GAN: variants seen among roughly 807,000 people sequenced by gnomAD.
The protein encoded by GAN is gigaxonin.
A neutral mutation model predicts 71.3 loss-of-function variants in GAN; 48 were observed. That is an observed-to-expected ratio of 0.67 (90% confidence interval 0.53 to 0.86). The LOEUF (loss-of-function observed/expected upper bound fraction) is 0.86, where lower values mean the gene tolerates loss of function less well. Among genes scored for constraint, GAN ranks in the 40% least tolerant of loss-of-function variants. GAN has a pLI of 0.00. For synonymous variants in GAN, 386 were observed against 276.8 expected (o/e 1.39, Z -3.92); for missense variants, 928 against 770.1 (o/e 1.21, Z -2.43).
At position 81,386,502 on chromosome 16, in the gene GAN, C is replaced by G. The variant is rs1216345545; in HGVS notation, c.*8906C>G. 6.6e-6 allele frequency: 1 copy of G among 152,240 alleles called. No homozygotes were observed. Among genetic ancestry groups the G allele is most frequent in the Admixed American group, 6.5e-5 (1 of 15,288 alleles). 9.4% of individuals were successfully genotyped at this position (152,240 alleles called of 1,614,324 possible). ...AGGTTATTTAACAAAGTGGTACAAA[C>G]AGTGAACTACTTAATCCTTCTATGG... On this transcript the variant is annotated 3_prime_UTR_variant, in exon 11 of 11. Transcript: ENST00000648994.
intron 1 of GAN, among the ~76,000 whole-genome samples, chr16:81,331,934 G>T (rs111888982): frequency 6.6e-6 from 1 of 151,998 alleles, no homozygotes; most frequent in Admixed American, 6.6e-5. Context: ...AGGTCAAGGC[G>T]GGCGGATCAC....
At chr16:81,367,112 C>T (rs1373705871) in intron 9 of GAN, among the ~76,000 whole-genome samples, 1 of 152,172 alleles carries the variant, frequency 6.6e-6, no homozygotes, top group East Asian at 1.9e-4. Context: ...CATGAGCCAC[C>T]GCACCTGGCC....
chr16:81,327,999 T>C (rs1909444910), intron 1 of GAN, among the ~76,000 whole-genome samples: 1 of 152,242 alleles, frequency 6.6e-6, no homozygotes, highest in South Asian at 2.1e-4. Context: ...CAGACTTGTT[T>C]CATTGAAGCA....
chr16:81,375,339 C>CT (rs59775874), intron 9 of GAN, among the ~76,000 whole-genome samples: 62,894 of 104,174 alleles, frequency 0.6, 19,251 homozygotes, highest in East Asian at 0.76. Flanking sequence ...TTTAATTTAT[C>CT]TTTTTTTTTT....
intron 2 of GAN, among the ~76,000 whole-genome samples, chr16:81,353,424 C>G (rs1043696144): frequency 6.6e-6 from 1 of 151,930 alleles, no homozygotes; most frequent in African/African-American, 2.4e-5. Context: ...TGCCTGCTGT[C>G]TTGTGGCTAA....
intron 9 of GAN, among the ~76,000 whole-genome samples, chr16:81,374,284 A>T (rs1414154599): frequency 2.6e-5 from 4 of 152,200 alleles, no homozygotes; most frequent in African/African-American, 4.8e-5. Flanking sequence ...TTAAGGTGGT[A>T]TCTGTTAGAT....
intron 9 of GAN, 88 bp from the exon 10 acceptor site, chr16:81,377,131 G>C: frequency 1.2e-6 from 1 of 843,982 alleles, no homozygotes; most frequent in East Asian, 2.4e-5. Context: ...TACTGCTGAT[G>C]ACTCACCAAG....
chr16:81,353,446 T>C (rs552535929), intron 2 of GAN, among the ~76,000 whole-genome samples: 2 of 152,240 alleles, frequency 1.3e-5, no homozygotes, highest in African/African-American at 4.8e-5. Context: ...TATAATGTCA[T>C]ATAAATGGAA....
chr16:81,353,057 C>T (rs1284630240), intron 2 of GAN, among the ~76,000 whole-genome samples: 4 of 151,992 alleles, frequency 2.6e-5, no homozygotes, highest in East Asian at 1.9e-4. Flanking sequence ...TTTGGGAGGC[C>T]GAGGCGGGTG....
intron 6 of GAN, among the ~76,000 whole-genome samples, chr16:81,362,847 A>T (rs1005036659): frequency 3.9e-5 from 6 of 152,032 alleles, no homozygotes; most frequent in African/African-American, 1.5e-4. Context: ...CTTCACATTT[A>T]TCCTGCCCTG....
Position 81,321,361 on chromosome 16 carries a change from C to T in GAN, c.167+6081C>T, listed in dbSNP as rs563410105. 2.0e-5 allele frequency among the ~76,000 whole-genome samples: 3 copies of T among 152,278 alleles called. No individual in the cohort carries two copies. The East Asian group carries it at 5.8e-4, about 29-fold the overall frequency. On this transcript the variant is annotated intron_variant, in intron 1 of 10. Coordinates refer to ENST00000648994, the MANE Select transcript of GAN (RefSeq NM_022041.4). ...GTTAATTTTCTCTAGTGGATAAGTC[C>T]TCACTCTTTTACCTATACTGTTTTT...
chr16:81,351,153 A>G (rs1910287031), intron 1 of GAN, among the ~76,000 whole-genome samples: 2 of 152,222 alleles, frequency 1.3e-5, no homozygotes, highest in Admixed American at 6.5e-5. Flanking sequence ...AGAGGAATGG[A>G]TTGGTGGGGA....
Position 81,364,955 on chromosome 16 carries a change from C to T in GAN, c.1237-19C>T. On this transcript the variant is annotated intron_variant, in intron 7 of 10. Coordinates refer to ENST00000648994, the MANE Select transcript of GAN (RefSeq NM_022041.4). Reference sequence around the variant, plus strand: ...ATGAGAAATGTTGCCTCTCCCCCACCATTGTTCTCTGCTTTCAGATCGGCT... The same window carrying T: ...ATGAGAAATGTTGCCTCTCCCCCACTATTGTTCTCTGCTTTCAGATCGGCT... 1.9e-6 allele frequency: 3 copies of T among 1,613,430 alleles called. No individual in the cohort carries two copies. The highest frequency in any genetic ancestry group is 2.5e-6 in the Non-Finnish European group (3 of 1,179,374).
intron 1 of GAN, among the ~76,000 whole-genome samples, chr16:81,351,026 G>C (rs1910283205): frequency 1.3e-5 from 2 of 152,130 alleles, no homozygotes; most frequent in Admixed American, 6.5e-5. Context: ...ATGCAAAATG[G>C]ATGACTAATT....
chr16:81,378,086 G>A lies in GAN; in HGVS notation c.*490G>A. The A allele has an allele frequency of 5.3e-6, 1 of 188,526 alleles. No homozygotes were observed. Among genetic ancestry groups the A allele is most frequent in the Admixed American group, 5.3e-5 (1 of 18,826 alleles). 11.7% of individuals were successfully genotyped at this position (188,526 alleles called of 1,614,324 possible). A position where few individuals can be genotyped will look rare whatever the true frequency, so the allele number is the denominator to read the frequency against. On this transcript the variant is annotated 3_prime_UTR_variant, in exon 11 of 11. Transcript: ENST00000648994. ...TGCCTAACCCTGCCCAACAAATTAAGGTTTGTGCCTAAAATGTTAGATTGG... is the reference window on the plus strand; with the variant it reads ...TGCCTAACCCTGCCCAACAAATTAAAGTTTGTGCCTAAAATGTTAGATTGG...
intron 2 of GAN, among the ~76,000 whole-genome samples, chr16:81,352,446 G>T (rs1183970208): frequency 2.6e-5 from 4 of 152,050 alleles, no homozygotes; most frequent in Admixed American, 1.3e-4. Flanking sequence ...TTTTTGTTTT[G>T]TTTTTTTAAC....
intron 9 of GAN, among the ~76,000 whole-genome samples, chr16:81,374,031 G>A (rs894953841): frequency 6.6e-6 from 1 of 152,198 alleles, no homozygotes; most frequent in Non-Finnish European, 1.5e-5. Context: ...GTGAGCCACT[G>A]CACTCAGCAG....
At chr16:81,374,613 C>T (rs192368945) in intron 9 of GAN, among the ~76,000 whole-genome samples, 9 of 152,316 alleles carry the variant, frequency 5.9e-5, no homozygotes, top group Admixed American at 2.6e-4. Flanking sequence ...ATAAATCCAG[C>T]ACCATCATTA....
chr16:81,328,507 T>G (rs1005262206), intron 1 of GAN, among the ~76,000 whole-genome samples: 8 of 152,218 alleles, frequency 5.3e-5, no homozygotes, highest in African/African-American at 1.7e-4. Flanking sequence ...TTTTTGTATT[T>G]TTTGTGACTA....
Sources: gnomAD v4.1 joint callset for allele counts (sites outside exome capture counted in the v4.1 genomes callset) on GRCh38, gnomAD v4.1.1 for gene constraint, MANE v1.5 for transcripts, NCBI Gene and HGNC (gene_info 2026-07-23, HGNC 2026-07-21) for gene names.